MTUS2: variants seen among roughly 807,000 people sequenced by gnomAD.
MTUS2 encodes microtubule-associated tumor suppressor candidate 2.
A neutral mutation model predicts 114.1 loss-of-function variants in MTUS2; 40 were observed. The observed-to-expected ratio is 0.35, with a 90% CI of 0.27 to 0.46. The LOEUF is 0.46. Ranked by LOEUF, MTUS2 falls within the 20% of genes least tolerant of loss-of-function variation. MTUS2 has a pLI of 1.00. For synonymous variants in MTUS2, 688 were observed against 672.0 expected (o/e 1.02, Z -0.37); for missense variants, 1,679 against 1,705.4 (o/e 0.98, Z 0.27).
At chr13:28,834,292 G>A (rs532901869) in intron 1 of MTUS2, among the ~76,000 whole-genome samples, 106 of 152,212 alleles carry the variant, frequency 7.0e-4, no homozygotes, top group Admixed American at 1.6e-3. Flanking sequence ...CAAAACTACC[G>A]TAATAAAGAC....
chr13:29,225,716 C>T (rs940651847), intron 5 of MTUS2, among the ~76,000 whole-genome samples: 2 of 152,186 alleles, frequency 1.3e-5, no homozygotes, highest in South Asian at 2.1e-4. Context: ...GAAAATCTGA[C>T]GGTTTTTTGC....
chr13:29,408,227 T>A (rs1315486401), intron 8 of MTUS2, among the ~76,000 whole-genome samples: 3 of 152,182 alleles, frequency 2.0e-5, no homozygotes, highest in South Asian at 2.1e-4. Context: ...TTTTTTTGTG[T>A]CTTGATTAAA....
intron 2 of MTUS2, among the ~76,000 whole-genome samples, chr13:28,896,974 T>C (rs1290980444): frequency 6.6e-6 from 1 of 152,178 alleles, no homozygotes; most frequent in Non-Finnish European, 1.5e-5. Context: ...GGCATTACCA[T>C]TCGGGACATA....
rs558980052 is a variant in MTUS2, at chr13:28,989,619, C to G, written c.-242-34838C>G. ...GGGTCTTCTGCTCCAGCAGTCCTCT[C>G]TACAGGTGTCCACAGGGCCCACAGG... On this transcript the variant is annotated intron_variant, in intron 2 of 15. Coordinates refer to ENST00000612955, the MANE Select transcript of MTUS2 (RefSeq NM_001033602.4). Among the ~76,000 whole-genome samples the G allele has an allele frequency of 3.9e-5, 6 of 152,282 alleles. No individual in the cohort carries two copies. In the South Asian group the frequency reaches 1.2e-3, roughly 32 times the overall value.
intron 1 of MTUS2, among the ~76,000 whole-genome samples, chr13:28,826,147 G>A (rs1247956427): frequency 2.6e-5 from 4 of 152,064 alleles, no homozygotes; most frequent in Non-Finnish European, 4.4e-5. Flanking sequence ...AAAATGTAAT[G>A]TAACCAAGCA....
At chr13:29,501,271 C>G in intron 15 of MTUS2, 77 bp downstream of exon 15, 1 of 1,109,300 alleles carries the variant, frequency 9.0e-7, no homozygotes, top group South Asian at 1.3e-5. Flanking sequence ...GTTTCCCTCA[C>G]TCTGGCCTGT....
chr13:29,185,240 G>T (rs1343857183), intron 5 of MTUS2, among the ~76,000 whole-genome samples: 6 of 151,854 alleles, frequency 4.0e-5, no homozygotes, highest in Admixed American at 3.9e-4. Flanking sequence ...TTGAAAAAAC[G>T]CAAAGAAGAA....
intron 2 of MTUS2, among the ~76,000 whole-genome samples, chr13:28,872,241 G>C (rs9550407): frequency 0.15 from 22,426 of 152,056 alleles, 1,894 homozygotes; most frequent in African/African-American, 0.21. Flanking sequence ...TGTTTTAAAA[G>C]ATATGTTGAT....
intron 5 of MTUS2, among the ~76,000 whole-genome samples, chr13:29,175,823 G>A (rs1264407519): frequency 1.3e-5 from 2 of 150,896 alleles, no homozygotes; most frequent in Non-Finnish European, 2.9e-5. Context: ...ATATCCTGTT[G>A]TGGCTGCTGA....
intron 5 of MTUS2, among the ~76,000 whole-genome samples, chr13:29,197,728 C>T (rs1307291812): frequency 6.6e-6 from 1 of 152,120 alleles, no homozygotes; most frequent in Admixed American, 6.6e-5. Context: ...TCTGTTGTTT[C>T]CTGACTTGTT....
intron 2 of MTUS2, among the ~76,000 whole-genome samples, chr13:29,018,102 G>A (rs1353961281): frequency 6.6e-6 from 1 of 152,210 alleles, no homozygotes; most frequent in Non-Finnish European, 1.5e-5. Flanking sequence ...AAGGTTTCAT[G>A]AAGTAGGTGG....
intron 5 of MTUS2, among the ~76,000 whole-genome samples, chr13:29,172,086 T>G (rs1593555648): frequency 1.3e-5 from 2 of 152,202 alleles, no homozygotes; most frequent in African/African-American, 4.8e-5. Context: ...CTGTCTCCGC[T>G]GTGAAGCTTG....
chr13:29,458,266 T>A (rs1879256758), intron 9 of MTUS2, among the ~76,000 whole-genome samples: 1 of 152,228 alleles, frequency 6.6e-6, no homozygotes, highest in Non-Finnish European at 1.5e-5. Context: ...ACTTAAAGAC[T>A]GACTCAGAAT....
chr13:29,009,588 G>A (rs145135356), intron 2 of MTUS2, among the ~76,000 whole-genome samples: 83 of 152,174 alleles, frequency 5.5e-4, no homozygotes, highest in African/African-American at 1.6e-3. Flanking sequence ...ATTACAAAGC[G>A]GTAACATGAG....
intron 8 of MTUS2, among the ~76,000 whole-genome samples, chr13:29,425,595 A>G (rs894067627): frequency 3.9e-5 from 6 of 152,210 alleles, no homozygotes; most frequent in Admixed American, 1.3e-4. Context: ...CAACACCTTG[A>G]TGACGGTTGA....
chr13:29,048,318 G>A (rs1887730581), intron 4 of MTUS2, among the ~76,000 whole-genome samples: 1 of 152,134 alleles, frequency 6.6e-6, no homozygotes, highest in Admixed American at 6.5e-5. Context: ...TCCCTGTCTA[G>A]TAATTCTATC....
intron 8 of MTUS2, among the ~76,000 whole-genome samples, chr13:29,418,877 T>A (rs1446277232): frequency 6.6e-6 from 1 of 152,220 alleles, no homozygotes; most frequent in African/African-American, 2.4e-5. Context: ...AGCTTTTGAA[T>A]CCCTTTCTCT....
At chr13:29,196,707 G>T (rs1234758890) in intron 5 of MTUS2, among the ~76,000 whole-genome samples, 1 of 152,138 alleles carries the variant, frequency 6.6e-6, no homozygotes, top group Non-Finnish European at 1.5e-5. Flanking sequence ...TACAGTATTT[G>T]TTTGTTGTGT....
chr13:28,894,339 AGAGAGAGAGAGTGAGAGT>A, intron 2 of MTUS2, among the ~76,000 whole-genome samples: 1 of 92,198 alleles, frequency 1.1e-5, no homozygotes, highest in Non-Finnish European at 2.1e-5. Context: ...GGAGAGAGAG[AGAGAGAGAGAGTGAGAGT>A]GAGAGAGAGA....
Sources: allele counts gnomAD v4.1 joint callset (sites outside exome capture counted in the v4.1 genomes callset), GRCh38; gene constraint gnomAD v4.1.1; transcripts MANE v1.5; gene names NCBI Gene and HGNC (gene_info 2026-07-23, HGNC 2026-07-21).